Variants in CHRM3 observed in about 807,000 individuals in gnomAD.
The protein encoded by CHRM3 is muscarinic acetylcholine receptor M3.
CHRM3 carries 11 observed loss-of-function variants against 41.8 expected under a neutral mutation model. That is an observed-to-expected ratio of 0.26 (90% CI 0.17 to 0.44). The LOEUF (loss-of-function observed/expected upper bound fraction) is 0.44. Among genes scored for constraint, CHRM3 ranks in the 20% least tolerant of loss-of-function variants. The pLI, the probability that CHRM3 is intolerant of heterozygous loss-of-function variation, is 1.00. For missense variants in CHRM3, 571 were observed against 745.4 expected (o/e 0.77, Z 2.72); for synonymous variants, 297 against 301.4 (o/e 0.99, Z 0.15).
At chr1:239,864,327 A>G (rs1675897353) in intron 6 of CHRM3, among the ~76,000 whole-genome samples, 2 of 152,086 alleles carry the variant, frequency 1.3e-5, no homozygotes, top group Admixed American at 1.3e-4. Context: ...ACCAACATGG[A>G]GAAACCCCGT....
intron 3 of CHRM3, among the ~76,000 whole-genome samples, chr1:239,567,767 T>G (rs1014002669): frequency 2.0e-5 from 3 of 152,178 alleles, no homozygotes; most frequent in African/African-American, 7.2e-5. Flanking sequence ...TCCAGGATGC[T>G]GCCTTTCCCC....
intron 1 of CHRM3, among the ~76,000 whole-genome samples, chr1:239,410,054 G>T (rs113836564): frequency 6.6e-6 from 1 of 152,154 alleles, no homozygotes; most frequent in South Asian, 2.1e-4. Context: ...GAGCAGTCTC[G>T]ATTTAAAGTT....
intron 4 of CHRM3, among the ~76,000 whole-genome samples, chr1:239,636,240 C>T (rs185082344): frequency 2.0e-3 from 305 of 152,262 alleles, no homozygotes; most frequent in African/African-American, 6.8e-3. Flanking sequence ...GCAAAATTTT[C>T]CCTGTTTTTA....
At chr1:239,595,492 A>G (rs1664677612) in intron 3 of CHRM3, among the ~76,000 whole-genome samples, 1 of 152,188 alleles carries the variant, frequency 6.6e-6, no homozygotes, top group Non-Finnish European at 1.5e-5. Context: ...CTTTATTTTT[A>G]TAAAGCACAA....
chr1:239,404,418 GAAAGAA>G (rs1558195841), intron 1 of CHRM3, among the ~76,000 whole-genome samples: 27 of 80,366 alleles, frequency 3.4e-4, no homozygotes, highest in East Asian at 1.6e-3. Context: ...GAAAAAGAAA[GAAAGAA>G]AGAAAGAAAG....
intron 4 of CHRM3, among the ~76,000 whole-genome samples, chr1:239,647,671 A>G (rs761319853): frequency 1.1e-4 from 17 of 152,068 alleles, no homozygotes; most frequent in Admixed American, 2.0e-4. Flanking sequence ...ACAGCTCCAC[A>G]TGGGTTTTCA....
intron 6 of CHRM3, among the ~76,000 whole-genome samples, chr1:239,896,814 G>A (rs1027350680): frequency 2.6e-5 from 4 of 152,144 alleles, no homozygotes; most frequent in Admixed American, 1.3e-4. Flanking sequence ...AGTGGCTCCA[G>A]ACATTGCCCA....
intron 5 of CHRM3, among the ~76,000 whole-genome samples, chr1:239,687,678 C>T (rs1214797382): frequency 6.6e-6 from 1 of 152,082 alleles, no homozygotes; most frequent in East Asian, 1.9e-4. Flanking sequence ...ATGCTTCAGT[C>T]AAAGGCAGAC....
At chr1:239,897,769 A>G (rs10926007) in intron 6 of CHRM3, among the ~76,000 whole-genome samples, 29,789 of 152,144 alleles carry the variant, frequency 0.2, 4,356 homozygotes, top group African/African-American at 0.41. Flanking sequence ...TATTCTAATG[A>G]CAAAAGGTTT....
chr1:239,791,107 TTA>T (rs1269368459), intron 5 of CHRM3, among the ~76,000 whole-genome samples: 2 of 151,954 alleles, frequency 1.3e-5, no homozygotes, highest in Non-Finnish European at 2.9e-5. Context: ...TTATTTTTGT[TTA>T]TTCATTTATT....
At chr1:239,440,779 C>A (rs1014111454) in intron 1 of CHRM3, among the ~76,000 whole-genome samples, 1 of 152,122 alleles carries the variant, frequency 6.6e-6, no homozygotes, top group African/African-American at 2.4e-5. Context: ...CAAATGTATC[C>A]TTTGTAATAG....
chr1:239,459,658 G>T, intron 1 of CHRM3, among the ~76,000 whole-genome samples: 1 of 151,960 alleles, frequency 6.6e-6, no homozygotes, highest in South Asian at 2.1e-4. Flanking sequence ...ACCTTTTTTG[G>T]AGTGACAGGA....
intron 3 of CHRM3, among the ~76,000 whole-genome samples, chr1:239,608,627 A>G (rs1286765986): frequency 5.3e-5 from 8 of 152,188 alleles, no homozygotes; most frequent in Admixed American, 2.0e-4. Context: ...ATCTTTGAGC[A>G]CCACCTTGCA....
In CHRM3 at chr1:239,412,993, G is replaced by T. The variant is rs374338756; in HGVS notation, c.-521+25766G>T. Among the ~76,000 whole-genome samples, 8 of 151,832 alleles carry T rather than the reference G, an allele frequency of 5.3e-5. No homozygotes were observed. The South Asian group carries it at 1.3e-3, about 24-fold the overall frequency. On this transcript the variant is annotated intron_variant, in intron 1 of 6. Coordinates refer to ENST00000676153, the MANE Select transcript of CHRM3 (RefSeq NM_001375978.1). The stretch of plus-strand genomic sequence containing the variant: ...CTCGGGAGGCTGAGGCAAGAGAATT[G>T]CTTGAACCCGGGAGGTGGAGGTTAC...
intron 1 of CHRM3, among the ~76,000 whole-genome samples, chr1:239,430,794 GCAT>G (rs1368279085): frequency 6.8e-6 from 1 of 148,124 alleles, no homozygotes; most frequent in Non-Finnish European, 1.5e-5. Context: ...TTTTTTTTTG[GCAT>G]TTCTTTTTGC....
chr1:239,634,028 G>T (rs1430428328), intron 4 of CHRM3, among the ~76,000 whole-genome samples: 1 of 152,152 alleles, frequency 6.6e-6, no homozygotes, highest in Non-Finnish European at 1.5e-5. Flanking sequence ...GAGGAAACAG[G>T]CTCTGAGATG....
intron 4 of CHRM3, among the ~76,000 whole-genome samples, chr1:239,671,322 A>T (rs923315163): frequency 6.6e-6 from 1 of 152,150 alleles, no homozygotes; most frequent in Non-Finnish European, 1.5e-5. Flanking sequence ...TCACCCTGTA[A>T]TCCCAACACC....
At chr1:239,611,506 C>T (rs1199231691) in intron 3 of CHRM3, among the ~76,000 whole-genome samples, 1 of 149,026 alleles carries the variant, frequency 6.7e-6, no homozygotes, top group Non-Finnish European at 1.5e-5. Context: ...CTGCAACCTC[C>T]AACTCCCTGG....
chr1:239,641,482 G>C lies in CHRM3; in HGVS notation c.-250+9196G>C, dbSNP rs370629867. Among the ~76,000 whole-genome samples the C allele has an allele frequency of 1.6e-4, 24 of 146,098 alleles. No individual in the cohort carries two copies. The East Asian group carries it at 3.6e-3, about 22-fold the overall frequency. Reference sequence around the variant, plus strand: ...GGTGCATATATATTTAGGATAGTTAGCTCTTCTTGTTGAATTGATCCCTTT... The same window carrying C: ...GGTGCATATATATTTAGGATAGTTACCTCTTCTTGTTGAATTGATCCCTTT... On this transcript the variant is annotated intron_variant, in intron 4 of 6. Coordinates refer to ENST00000676153, the MANE Select transcript of CHRM3 (RefSeq NM_001375978.1).
Sources: gnomAD v4.1 joint callset for allele counts (sites outside exome capture counted in the v4.1 genomes callset) on GRCh38, gnomAD v4.1.1 for gene constraint, MANE v1.5 for transcripts, NCBI Gene and HGNC (gene_info 2026-07-23, HGNC 2026-07-21) for gene names.